Variants in DIS3L2 observed in about 807,000 individuals in gnomAD.
DIS3L2 encodes DIS3 like 3'-5' exoribonuclease 2, also known as DIS3-like exonuclease 2.
DIS3L2 carries 34 observed loss-of-function variants against 97.5 expected under a neutral mutation model. The observed-to-expected ratio is 0.35, with a 90% CI of 0.27 to 0.46. The LOEUF is 0.46. Ranked by LOEUF, DIS3L2 falls within the 20% of genes least tolerant of loss-of-function variation. The probability of loss-of-function intolerance (pLI) is 1.00; values close to 1 mark genes in which losing one functional copy is unlikely to be tolerated. For synonymous variants in DIS3L2, 435 were observed against 445.2 expected (o/e 0.98, Z 0.29); for missense variants, 1,038 against 1,146.0 (o/e 0.91, Z 1.36).
chr2:232,059,873 C>T (rs1489344718), intron 5 of DIS3L2, among the ~76,000 whole-genome samples: 2 of 152,074 alleles, frequency 1.3e-5, no homozygotes, highest in African/African-American at 4.8e-5. Context: ...TTTTCTTTAT[C>T]CAGTCCAATA....
chr2:232,046,247 G>C (rs973114687), intron 5 of DIS3L2, among the ~76,000 whole-genome samples: 1 of 152,164 alleles, frequency 6.6e-6, no homozygotes, highest in South Asian at 2.1e-4. Flanking sequence ...CCTTCTGCCT[G>C]TCCTCTCTAA....
intron 11 of DIS3L2, among the ~76,000 whole-genome samples, chr2:232,243,467 A>G (rs909916571): frequency 3.9e-5 from 6 of 152,108 alleles, no homozygotes; most frequent in Non-Finnish European, 7.4e-5. Context: ...GGCCAGAGGC[A>G]GGAAAATTGT....
chr2:232,087,157 TGAGGG>T (rs1213301624), intron 5 of DIS3L2, among the ~76,000 whole-genome samples: 1 of 152,036 alleles, frequency 6.6e-6, no homozygotes, highest in African/African-American at 2.4e-5. Context: ...TCCTATATGG[TGAGGG>T]TTTATGAAGC....
intron 8 of DIS3L2, among the ~76,000 whole-genome samples, chr2:232,143,918 C>T (rs909898987): frequency 1.3e-5 from 2 of 152,006 alleles, no homozygotes; most frequent in Non-Finnish European, 2.9e-5. Context: ...ATATTTATAA[C>T]CCTAAATGTT....
At chr2:232,327,449 C>T (rs1575021498) in intron 14 of DIS3L2, among the ~76,000 whole-genome samples, 1 of 152,236 alleles carries the variant, frequency 6.6e-6, no homozygotes, top group Non-Finnish European at 1.5e-5. Flanking sequence ...AGTCCAGAAC[C>T]GTGCCTGGCA....
intron 16 of DIS3L2, among the ~76,000 whole-genome samples, chr2:232,331,059 T>C (rs1695723217): frequency 6.6e-6 from 1 of 152,194 alleles, no homozygotes; most frequent in Non-Finnish European, 1.5e-5. Flanking sequence ...TGAGACCTCC[T>C]GTCAGGCTGG....
chr2:231,996,688 C>G (rs571480013), intron 1 of DIS3L2, among the ~76,000 whole-genome samples: 40 of 150,618 alleles, frequency 2.7e-4, no homozygotes, highest in African/African-American at 9.5e-4. Flanking sequence ...ATGTACATAT[C>G]TTAACTATGC....
chr2:232,107,783 A>G (rs1345627840), intron 6 of DIS3L2, among the ~76,000 whole-genome samples: 1 of 152,232 alleles, frequency 6.6e-6, no homozygotes, highest in Admixed American at 6.5e-5. Flanking sequence ...CTCTATACAC[A>G]TAAGCTAGAA....
intron 13 of DIS3L2, among the ~76,000 whole-genome samples, chr2:232,294,893 A>G (rs574224357): frequency 3.5e-4 from 53 of 152,268 alleles, no homozygotes; most frequent in Admixed American, 2.7e-3. Flanking sequence ...TATTAGCTCC[A>G]TTCCAGACAT....
At position 232,269,263 on chromosome 2, in the gene DIS3L2, T is replaced by TA. The variant is rs1693923249; in HGVS notation, c.1659+5824dup. 1.3e-5 allele frequency among the ~76,000 whole-genome samples: 2 copies of TA among 152,250 alleles called. No homozygotes were observed. The highest frequency in any genetic ancestry group is 4.8e-5 in the African/African-American group (2 of 41,466). On this transcript the variant is annotated intron_variant, in intron 13 of 20. Transcript: ENST00000325385. This position sits in a 1 kb window ranked among gnomAD's most constrained non-coding sequence, Gnocchi z 4.5. ...ATCTGTTTCTGTTCCTTCTCTCCAA[T>TA]ACAGTCGCTTTCAAGAAATGAGCAT...
intron 10 of DIS3L2, among the ~76,000 whole-genome samples, chr2:232,232,431 G>A (rs757240405): frequency 3.9e-5 from 6 of 152,306 alleles, no homozygotes; most frequent in Non-Finnish European, 7.3e-5. Context: ...ATATTTCTTA[G>A]AAGAAGCCAT....
At chr2:232,169,595 A>C (rs1310052062) in intron 9 of DIS3L2, among the ~76,000 whole-genome samples, 1 of 152,184 alleles carries the variant, frequency 6.6e-6, no homozygotes, top group East Asian at 1.9e-4. Flanking sequence ...GTGATAGTCC[A>C]TGTCTGCAGA....
intron 5 of DIS3L2, among the ~76,000 whole-genome samples, chr2:232,059,854 T>C (rs924161460): frequency 6.6e-5 from 10 of 152,168 alleles, no homozygotes; most frequent in African/African-American, 2.4e-4. Flanking sequence ...ATGGTATATG[T>C]GTACCACATT....
intron 5 of DIS3L2, among the ~76,000 whole-genome samples, chr2:232,039,729 G>A (rs1309843538): frequency 3.9e-5 from 6 of 152,124 alleles, no homozygotes; most frequent in Non-Finnish European, 8.8e-5. Flanking sequence ...TTGTCAATTG[G>A]AATATTAAGG....
At position 232,334,381 on chromosome 2, in the gene DIS3L2, G is replaced by A. The variant is rs760824995; in HGVS notation, c.2171G>A (p.Arg724Gln). Residue 724 changes from arginine to glutamine, a missense_variant, in exon 18 of 21, where the codon CGA becomes CAA. Arg to Gln is a conservative substitution (Grantham distance 43). Around this residue, in one of 3 missense-constraint regions of DIS3L2, gnomAD observed 221 missense variants for 246.9 expected, o/e 0.90. Transcript: ENST00000325385. ...LLAAALGYRERLDMAPDTLQK... is the reference protein window; with the variant it reads ...LLAAALGYREQLDMAPDTLQK... Reference sequence around the variant, plus strand: ...CCCCTCTTCCCAGGCTATAGGGAGCGACTAGACATGGCGCCCGATACCCTG... The same window carrying A: ...CCCCTCTTCCCAGGCTATAGGGAGCAACTAGACATGGCGCCCGATACCCTG... 1.6e-5 allele frequency: 26 copies of A among 1,613,534 alleles called. No homozygotes were observed. In the East Asian group the frequency reaches 2.9e-4, roughly 18 times the overall value.
Position 232,024,959 on chromosome 2 carries a change from A to G in DIS3L2, c.264+629A>G, listed in dbSNP as rs1694618388. Among the ~76,000 whole-genome samples, 4 of 152,144 alleles carry G rather than the reference A, an allele frequency of 2.6e-5. No homozygotes were observed. In the South Asian group the frequency reaches 8.3e-4, roughly 31 times the overall value. On this transcript the variant is annotated intron_variant, in intron 4 of 20. Transcript: ENST00000325385. ...AGGTTTGATTGAGCAAAGCTGGGAG[A>G]GCAATATTCTTAAATTCCTGACCTA...
At chr2:232,104,021 G>T (rs1697285746) in intron 6 of DIS3L2, among the ~76,000 whole-genome samples, 1 of 151,312 alleles carries the variant, frequency 6.6e-6, no homozygotes, top group African/African-American at 2.4e-5. Context: ...TTTAACACTA[G>T]CTAGTGACTT....
At chr2:232,184,820 C>G (rs1176300336) in intron 9 of DIS3L2, among the ~76,000 whole-genome samples, 1 of 152,180 alleles carries the variant, frequency 6.6e-6, no homozygotes, top group African/African-American at 2.4e-5. Flanking sequence ...TTCTTAGCTT[C>G]TTATACAATA....
At chr2:232,147,760 A>G (rs995713893) in intron 8 of DIS3L2, among the ~76,000 whole-genome samples, 2 of 152,258 alleles carry the variant, frequency 1.3e-5, no homozygotes, top group South Asian at 2.1e-4. Flanking sequence ...AGAATTTACA[A>G]TGAAATTAAA....
Sources: allele counts gnomAD v4.1 joint callset (sites outside exome capture counted in the v4.1 genomes callset), GRCh38; gene constraint gnomAD v4.1.1; regional missense constraint gnomAD v4.1.1; non-coding constraint Gnocchi (gnomAD v3.1); transcripts MANE v1.5; gene names NCBI Gene and HGNC (gene_info 2026-07-23, HGNC 2026-07-21).